The following CATSPERT variants were observed in gnomAD, a reference collection of about 807,000 sequenced individuals.
CATSPERT encodes the protein catsper channel auxiliary subunit tau.
chr2:201,523,102 G>A, the CATSPERT span, among the ~76,000 whole-genome samples: 4 of 152,126 alleles, frequency 2.6e-5, no homozygotes, highest in Admixed American at 6.6e-5. Context: ...GCCAGCACAC[G>A]TGTGTGTGGA....
the CATSPERT span, among the ~76,000 whole-genome samples, chr2:201,573,112 G>C: frequency 5.3e-5 from 8 of 152,308 alleles, no homozygotes; most frequent in East Asian, 1.5e-3. Flanking sequence ...TATTTGATGA[G>C]AGTATATATT....
the CATSPERT span, among the ~76,000 whole-genome samples, chr2:201,558,776 C>G: frequency 6.6e-6 from 1 of 152,176 alleles, no homozygotes; most frequent in African/African-American, 2.4e-5. Flanking sequence ...CAGCACAGTG[C>G]CATCTTGAAG....
chr2:201,564,375 G>C, the CATSPERT span, among the ~76,000 whole-genome samples: 4 of 152,084 alleles, frequency 2.6e-5, no homozygotes, highest in Non-Finnish European at 5.9e-5. Flanking sequence ...TACAATGTCT[G>C]GCACTCAGTC....
At chr2:201,591,021 C>A in the CATSPERT span, among the ~76,000 whole-genome samples, 1 of 152,130 alleles carries the variant, frequency 6.6e-6, no homozygotes, top group Non-Finnish European at 1.5e-5. Flanking sequence ...GCTTTTGTTG[C>A]CATTGCTTTT....
At chr2:201,532,518 G>A in the CATSPERT span, among the ~76,000 whole-genome samples, 1 of 152,158 alleles carries the variant, frequency 6.6e-6, no homozygotes, top group Non-Finnish European at 1.5e-5. Flanking sequence ...AGAGCCCCAA[G>A]ATGTGGAAGT....
chr2:201,513,501 C>T, the CATSPERT span, among the ~76,000 whole-genome samples: 2 of 152,226 alleles, frequency 1.3e-5, no homozygotes, highest in African/African-American at 2.4e-5. Context: ...TTAGTTCAGC[C>T]GCTGTGGAAA....
chr2:201,584,158 T>C, the CATSPERT span, among the ~76,000 whole-genome samples: 1 of 151,966 alleles, frequency 6.6e-6, no homozygotes, highest in African/African-American at 2.4e-5. Flanking sequence ...AGCATGGTAG[T>C]GCACGTCTTT....
the CATSPERT span, among the ~76,000 whole-genome samples, chr2:201,617,591 A>T: frequency 6.6e-6 from 1 of 152,238 alleles, no homozygotes; most frequent in Non-Finnish European, 1.5e-5. Context: ...GTTAGACCTA[A>T]AACCATAAAA....
chr2:201,593,154 T>C, the CATSPERT span, among the ~76,000 whole-genome samples: 1 of 152,114 alleles, frequency 6.6e-6, no homozygotes, highest in African/African-American at 2.4e-5. Flanking sequence ...CTGCTTTGAA[T>C]GTGTCCCAGA....
At chr2:201,575,382 A>G in the CATSPERT span, 1 of 1,438,556 alleles carries the variant, frequency 7.0e-7, no homozygotes. Flanking sequence ...TTCCCTGTAT[A>G]TTATCGAAAC....
chr2:201,517,655 T>A, the CATSPERT span, among the ~76,000 whole-genome samples: 1 of 152,186 alleles, frequency 6.6e-6, no homozygotes, highest in Non-Finnish European at 1.5e-5. Flanking sequence ...GGGGCCAAGG[T>A]TTCCCCCAAA....
the CATSPERT span, among the ~76,000 whole-genome samples, chr2:201,520,571 G>A: frequency 3.3e-5 from 5 of 152,254 alleles, no homozygotes; most frequent in African/African-American, 4.8e-5. Flanking sequence ...TAACCACTGC[G>A]TGAAGAAAGA....
the CATSPERT span, among the ~76,000 whole-genome samples, chr2:201,522,859 T>C: frequency 6.6e-6 from 1 of 152,214 alleles, no homozygotes; most frequent in Non-Finnish European, 1.5e-5. Flanking sequence ...ATCTTGCCTG[T>C]GAGACAGGGC....
At chr2:201,618,889 C>G in the CATSPERT span, 9 of 1,612,962 alleles carry the variant, frequency 5.6e-6, no homozygotes, top group Non-Finnish European at 7.6e-6. Context: ...GCCAGGCCCC[C>G]GCTCACTCAC....
At chr2:201,605,972 A>T in the CATSPERT span, among the ~76,000 whole-genome samples, 1 of 152,208 alleles carries the variant, frequency 6.6e-6, no homozygotes, top group South Asian at 2.1e-4. Context: ...CATCGATTCA[A>T]AAAAACTTTA....
the CATSPERT span, among the ~76,000 whole-genome samples, chr2:201,507,295 T>C: frequency 6.6e-6 from 1 of 152,146 alleles, no homozygotes; most frequent in Non-Finnish European, 1.5e-5. Flanking sequence ...AACTATCCAA[T>C]ACTAAAGAAT....
the CATSPERT span, among the ~76,000 whole-genome samples, chr2:201,579,895 A>G: frequency 7.0e-6 from 1 of 142,492 alleles, no homozygotes; most frequent in Non-Finnish European, 1.5e-5. Flanking sequence ...TCTGTCACCC[A>G]GGCTGGAGTG....
At chr2:201,568,781 G>A in the CATSPERT span, among the ~76,000 whole-genome samples, 1,145 of 152,256 alleles carry the variant, frequency 7.5e-3, 13 homozygotes, top group African/African-American at 0.026. Flanking sequence ...GTTCTATGGC[G>A]TCTTCTTGGC....
chr2:201,559,256 C>T, the CATSPERT span, among the ~76,000 whole-genome samples: 7 of 152,226 alleles, frequency 4.6e-5, no homozygotes, highest in Non-Finnish European at 4.4e-5. Flanking sequence ...GCCAAGAGCC[C>T]ATGTCCAGGA....
Sources: gnomAD v4.1 joint callset for allele counts (sites outside exome capture counted in the v4.1 genomes callset) on GRCh38, gnomAD v4.1.1 for gene constraint, MANE v1.5 for transcripts, NCBI Gene and HGNC (gene_info 2026-07-23, HGNC 2026-07-21) for gene names.